Variants in OSBPL10 observed in about 807,000 individuals in gnomAD.
The protein encoded by OSBPL10 is oxysterol-binding protein-related protein 10.
Under a neutral mutation model 81.7 loss-of-function variants are expected in OSBPL10, and 49 were observed. The observed-to-expected ratio is 0.60, with a 90% CI of 0.48 to 0.76. The LOEUF is 0.76. Ranked by LOEUF, OSBPL10 falls within the 30% of genes least tolerant of loss-of-function variation. The pLI is 0.00. For missense variants in OSBPL10, 923 were observed against 987.8 expected (o/e 0.93, Z 0.88); for synonymous variants, 419 against 383.6 (o/e 1.09, Z -1.08).
chr3:32,070,863 C>T (rs10452007), intron 1 of OSBPL10, among the ~76,000 whole-genome samples: 2,035 of 152,298 alleles, frequency 0.013, 44 homozygotes, highest in African/African-American at 0.046. Flanking sequence ...CTACACCCCT[C>T]ATCCCAGCCT....
At chr3:31,927,694 TG>T (rs1444573260) in intron 1 of OSBPL10, among the ~76,000 whole-genome samples, 5 of 152,216 alleles carry the variant, frequency 3.3e-5, no homozygotes, top group Non-Finnish European at 5.9e-5. Flanking sequence ...TATTATTCCT[TG>T]TTGCAATCAG....
At chr3:31,703,321 A>C (rs1695957401) in intron 6 of OSBPL10, among the ~76,000 whole-genome samples, 1 of 152,036 alleles carries the variant, frequency 6.6e-6, no homozygotes, top group Non-Finnish European at 1.5e-5. Flanking sequence ...CACATTCCAC[A>C]CTCCACATTT....
At chr3:31,687,925 A>T (rs373262301) in intron 7 of OSBPL10, among the ~76,000 whole-genome samples, 1 of 121,428 alleles carries the variant, frequency 8.2e-6, no homozygotes, top group African/African-American at 2.8e-5. Flanking sequence ...AATAATAATA[A>T]TTTTTTTAAA....
rs1167413053 is a variant in OSBPL10, at chr3:31,664,121, C to T, written c.2208G>A (p.Glu736=). The T allele has an allele frequency of 1.9e-6, 3 of 1,614,044 alleles. No homozygotes were observed. The East Asian group carries it at 6.7e-5, about 36-fold the overall frequency. Residue 736 remains glutamate, a synonymous_variant, in exon 11 of 12, where the codon GAG becomes GAA. Transcript: ENST00000396556. ...TGGGCTTCCATGGTGTGCGGAGGTT[C>T]TCGCGCTTCCGTTCCTCCACCCGTT... The part of the protein sequence containing the change: ...EKQRVEERKR[E]NLRTPWKPKY...
intron 4 of OSBPL10, among the ~76,000 whole-genome samples, chr3:31,812,814 GAAAGAGAA>G (rs1227157644): frequency 1.1e-4 from 6 of 54,224 alleles, no homozygotes; most frequent in African/African-American, 2.3e-4. Context: ...AAGAAAGAAA[GAAAGAGAA>G]AGAAAGAAAG....
chr3:31,723,871 T>A (rs1696731143), intron 6 of OSBPL10, among the ~76,000 whole-genome samples: 1 of 152,180 alleles, frequency 6.6e-6, no homozygotes, highest in Non-Finnish European at 1.5e-5. Flanking sequence ...AATAAATCAC[T>A]TTTAGAATAG....
chr3:31,899,682 G>GA (rs1296390395), intron 1 of OSBPL10, among the ~76,000 whole-genome samples: 6 of 152,022 alleles, frequency 3.9e-5, no homozygotes, highest in Non-Finnish European at 7.4e-5. Context: ...AAAGAGAAAA[G>GA]AAAGAAAGAA....
intron 1 of OSBPL10, among the ~76,000 whole-genome samples, chr3:32,071,926 C>A (rs570342730): frequency 9.2e-5 from 14 of 152,286 alleles, no homozygotes; most frequent in African/African-American, 3.1e-4. Flanking sequence ...CCTGATCACA[C>A]CTGGTTTATT....
intron 4 of OSBPL10, among the ~76,000 whole-genome samples, chr3:31,828,660 G>C (rs974160254): frequency 6.6e-6 from 1 of 152,184 alleles, no homozygotes; most frequent in Non-Finnish European, 1.5e-5. Flanking sequence ...AGCCTCCTAA[G>C]TAGCTGGGAC....
intron 6 of OSBPL10, among the ~76,000 whole-genome samples, chr3:31,710,151 G>A (rs763304295): frequency 4.6e-5 from 7 of 152,134 alleles, no homozygotes; most frequent in South Asian, 2.1e-4. Flanking sequence ...TCCTAAAGAC[G>A]CTATGCCCCA....
At chr3:31,998,619 C>T (rs1213331113) in intron 2 of OSBPL10, among the ~76,000 whole-genome samples, 1 of 152,244 alleles carries the variant, frequency 6.6e-6, no homozygotes, top group Non-Finnish European at 1.5e-5. Flanking sequence ...TTGATGGTTA[C>T]ATACCAAATA....
chr3:31,733,206 G>C, intron 6 of OSBPL10, 51 bp downstream of exon 6: 1 of 1,583,042 alleles, frequency 6.3e-7, no homozygotes. Flanking sequence ...CTATATTTCT[G>C]AACAAGCGAT....
chr3:31,811,708 AG>A (rs1420682692), intron 4 of OSBPL10, among the ~76,000 whole-genome samples: 1 of 152,228 alleles, frequency 6.6e-6, no homozygotes, highest in African/African-American at 2.4e-5. Flanking sequence ...ATTAAAAAAA[AG>A]AATATGCATA....
At chr3:32,002,473 A>G (rs1361162545) in intron 2 of OSBPL10, among the ~76,000 whole-genome samples, 1 of 152,260 alleles carries the variant, frequency 6.6e-6, no homozygotes, top group Non-Finnish European at 1.5e-5. Flanking sequence ...TATTATTTTA[A>G]GTCCTGGACT....
chr3:32,022,192 C>G (rs975718670), intron 2 of OSBPL10, among the ~76,000 whole-genome samples: 1 of 152,072 alleles, frequency 6.6e-6, no homozygotes, highest in Non-Finnish European at 1.5e-5. Flanking sequence ...GTCCCAGCAC[C>G]ATTTTGTTAT....
chr3:31,947,280 G>A (rs1425455984), intron 1 of OSBPL10, among the ~76,000 whole-genome samples: 1 of 152,078 alleles, frequency 6.6e-6, no homozygotes, highest in Non-Finnish European at 1.5e-5. Context: ...ATCTAGGCAC[G>A]AACAAGGTCA....
chr3:31,747,118 T>G (rs1358063440), intron 5 of OSBPL10, among the ~76,000 whole-genome samples: 1 of 152,156 alleles, frequency 6.6e-6, no homozygotes, highest in Non-Finnish European at 1.5e-5. Flanking sequence ...GTGGATCACC[T>G]GAGGTCAGGA....
intron 1 of OSBPL10, among the ~76,000 whole-genome samples, chr3:31,912,919 T>C (rs1275365889): frequency 6.6e-6 from 1 of 152,188 alleles, no homozygotes; most frequent in Non-Finnish European, 1.5e-5. Context: ...GGTGGCATTA[T>C]TATATGAATA....
At chr3:32,072,611 C>T (rs1699839881) in intron 1 of OSBPL10, among the ~76,000 whole-genome samples, 1 of 152,178 alleles carries the variant, frequency 6.6e-6, no homozygotes, top group Non-Finnish European at 1.5e-5. Flanking sequence ...GAAAATCTAT[C>T]CTTAAGGAAA....
Sources: allele counts gnomAD v4.1 joint callset (sites outside exome capture counted in the v4.1 genomes callset), GRCh38; gene constraint gnomAD v4.1.1; transcripts MANE v1.5; gene names NCBI Gene and HGNC (gene_info 2026-07-23, HGNC 2026-07-21).